The following ZSCAN25 variants were observed in gnomAD, a reference collection of about 807,000 sequenced individuals.
The protein encoded by ZSCAN25 is zinc finger and SCAN domain-containing protein 25.
In ZSCAN25, 27 loss-of-function variants were observed where a neutral mutation model predicts 38.7. That is an observed-to-expected ratio of 0.70 (90% CI 0.51 to 0.96). ZSCAN25 has a LOEUF of 0.96. Among genes scored for constraint, ZSCAN25 ranks in the 40% least tolerant of loss-of-function variants. The probability of loss-of-function intolerance (pLI) is 0.00; values close to 1 mark genes in which losing one functional copy is unlikely to be tolerated. For missense variants in ZSCAN25, 637 were observed against 705.9 expected (o/e 0.90, Z 1.11); for synonymous variants, 273 against 277.7 (o/e 0.98, Z 0.17).
the ZSCAN25 span, chr7:99,652,867 C>T: frequency 1.0e-6 from 1 of 957,250 alleles, no homozygotes; most frequent in Non-Finnish European, 1.6e-6. Flanking sequence ...GTATTAGAAG[C>T]TCCAGAGAAT....
At chr7:99,655,525 T>C in the ZSCAN25 span, among the ~76,000 whole-genome samples, 1 of 152,238 alleles carries the variant, frequency 6.6e-6, no homozygotes, top group African/African-American at 2.4e-5. Flanking sequence ...TGCCTCCGGC[T>C]TTGTTCTTTT....
At chr7:99,679,765 G>A in the ZSCAN25 span, 1 of 1,517,564 alleles carries the variant, frequency 6.6e-7, no homozygotes, top group Non-Finnish European at 9.2e-7. Context: ...TAAGGGAAAA[G>A]GGGCCCGATT....
chr7:99,638,822 C>T, the ZSCAN25 span: 3 of 723,542 alleles, frequency 4.1e-6, no homozygotes, highest in Middle Eastern at 2.5e-4. Context: ...CCTCAGCCAA[C>T]AACGCCGCCG....
chr7:99,676,329 A>T, the ZSCAN25 span: 3 of 1,560,812 alleles, frequency 1.9e-6, no homozygotes, highest in Non-Finnish European at 1.7e-6. Context: ...GATAAATAAT[A>T]ACAGCAACTC....
the ZSCAN25 span, among the ~76,000 whole-genome samples, chr7:99,692,899 A>T: frequency 2.0e-5 from 3 of 152,174 alleles, no homozygotes; most frequent in South Asian, 6.2e-4. Flanking sequence ...ACTTCTGTCA[A>T]CTCATCAAAC....
chr7:99,691,630 T>A, the ZSCAN25 span, among the ~76,000 whole-genome samples: 1 of 152,316 alleles, frequency 6.6e-6, no homozygotes, highest in East Asian at 1.9e-4. Context: ...GTTGAATTGA[T>A]CCCTTTATCA....
chr7:99,688,146 G>T, the ZSCAN25 span, among the ~76,000 whole-genome samples: 5 of 152,146 alleles, frequency 3.3e-5, no homozygotes, highest in African/African-American at 9.7e-5. Flanking sequence ...ACATCATAAT[G>T]ACAGGATCAA....
chr7:99,699,594 C>T, the ZSCAN25 span, among the ~76,000 whole-genome samples: 33 of 152,228 alleles, frequency 2.2e-4, no homozygotes, highest in African/African-American at 7.2e-4. Flanking sequence ...CCCAGAATCC[C>T]GAGAACCTGG....
At chr7:99,733,283 G>A in the ZSCAN25 span, among the ~76,000 whole-genome samples, 1 of 152,178 alleles carries the variant, frequency 6.6e-6, no homozygotes, top group Non-Finnish European at 1.5e-5. Flanking sequence ...TAATGTGTGA[G>A]CAGCATTGGC....
At position 99,621,466 on chromosome 7, in the gene ZSCAN25, C is replaced by G. The variant is rs552193298; in HGVS notation, c.481C>G (p.Pro161Ala). ...CCAGCTGGGGCCAGTGGAGGTCAAG[C>G]CTGAATGGGGGATGCCCCCTGGGGA... is the stretch of plus-strand genomic sequence containing the variant. ...GIQLGPVEVK[P>A]EWGMPPGEGV... is the part of the protein sequence containing the mutation. The change falls in exon 5 of 8, where the codon CCT becomes GCT. Residue 161 changes from proline (P) to alanine (A), a missense_variant. Physicochemically the swap from Pro to Ala is conservative, Grantham distance 27 (BLOSUM62 -1). Coordinates refer to ENST00000394152, the MANE Select transcript of ZSCAN25 (RefSeq NM_145115.3). The G allele has an allele frequency of 6.4e-7, 1 of 1,573,324 alleles. No homozygotes were observed. Among genetic ancestry groups the G allele is most frequent in the South Asian group, 1.2e-5 (1 of 85,986 alleles).
chr7:99,684,772 C>T, the ZSCAN25 span, among the ~76,000 whole-genome samples: 1 of 152,066 alleles, frequency 6.6e-6, no homozygotes, highest in African/African-American at 2.4e-5. Flanking sequence ...CTGTTAGAGC[C>T]ATCAAAATAA....
chr7:99,619,834 C>T lies in ZSCAN25; in HGVS notation c.228C>T (p.His76=). Residue 76 remains histidine, a synonymous_variant, in exon 4 of 8, where the codon CAC becomes CAT. Transcript: ENST00000394152. The part of the protein sequence containing the change: ...LCRRWLRPEL[H]TKEQILELLV... ...GTCGGTGGCTGAGGCCCGAGTTGCA[C>T]ACCAAGGAGCAGATCCTGGAGCTGC... The T allele has an allele frequency of 1.9e-6, 3 of 1,614,244 alleles. No individual in the cohort carries two copies. The highest frequency in any genetic ancestry group is 2.5e-6 in the Non-Finnish European group (3 of 1,180,046).
At position 99,629,345 on chromosome 7, in the gene ZSCAN25, T is replaced by C. The variant is rs768738827; in HGVS notation, c.960T>C (p.Ser320=). ...CEQEPGGPAG[S]APGLPPPQHG... is the part of the protein sequence containing the mutation. ...AGGAGCCTGGTGGCCCTGCAGGCAG[T>C]GCGCCTGGGCTTCCTCCTCCCCAGC... The change falls in exon 8 of 8, where the codon AGT becomes AGC. Residue 320 remains serine (S), a synonymous_variant. Transcript: ENST00000394152. This position sits in a 1 kb window ranked among gnomAD's most constrained non-coding sequence, Gnocchi z 5.6. The C allele has an allele frequency of 6.2e-7, 1 of 1,614,128 alleles. No homozygotes were observed. The highest frequency in any genetic ancestry group is 8.5e-7 in the Non-Finnish European group (1 of 1,180,020).
the ZSCAN25 span, chr7:99,647,337 C>T: frequency 1.2e-5 from 3 of 249,256 alleles, no homozygotes; most frequent in Non-Finnish European, 1.9e-5. Context: ...TGTGTGGCTA[C>T]CACATGGCTG....
chr7:99,623,096 G>T (rs978552638), intron 6 of ZSCAN25, among the ~76,000 whole-genome samples: 2 of 152,170 alleles, frequency 1.3e-5, no homozygotes, highest in African/African-American at 4.8e-5. Context: ...ATGAGCCACC[G>T]CGCCCAGCCA....
the ZSCAN25 span, chr7:99,638,132 A>G: frequency 9.4e-7 from 1 of 1,058,858 alleles, no homozygotes; most frequent in Non-Finnish European, 1.3e-6. Flanking sequence ...GTAACTCCAG[A>G]GTTCAAATTC....
At chr7:99,714,816 A>G in the ZSCAN25 span, 5 of 1,463,132 alleles carry the variant, frequency 3.4e-6, no homozygotes, top group South Asian at 1.3e-5. Flanking sequence ...CATTCCTTCT[A>G]TGACTTTTGC....
the ZSCAN25 span, chr7:99,648,225 G>C: frequency 6.5e-7 from 1 of 1,546,388 alleles, no homozygotes; most frequent in Non-Finnish European, 8.7e-7. Flanking sequence ...TTATTTCAAG[G>C]TTTTATTGAC....
chr7:99,672,778 C>G, the ZSCAN25 span: 1 of 1,580,916 alleles, frequency 6.3e-7, no homozygotes, highest in Non-Finnish European at 8.6e-7. Context: ...GTTATGTAAT[C>G]CATACCCCTA....
Sources: gnomAD v4.1 joint callset for allele counts (sites outside exome capture counted in the v4.1 genomes callset) on GRCh38, gnomAD v4.1.1 for gene constraint, Gnocchi (gnomAD v3.1) non-coding constraint, MANE v1.5 for transcripts, NCBI Gene and HGNC (gene_info 2026-07-23, HGNC 2026-07-21) for gene names.